The following LRMDA variants were observed in gnomAD, a reference collection of about 807,000 sequenced individuals.
LRMDA encodes leucine-rich melanocyte differentiation-associated protein.
LRMDA carries 18 observed loss-of-function variants against 29.8 expected under a neutral mutation model. That is an observed-to-expected ratio of 0.60 (90% CI 0.42 to 0.90). The LOEUF (loss-of-function observed/expected upper bound fraction) is 0.90, where lower values mean the gene tolerates loss of function less well. Ranked by LOEUF, LRMDA falls within the 40% of genes least tolerant of loss-of-function variation. The pLI is 0.00. For missense variants in LRMDA, 273 were observed against 273.9 expected, an observed-to-expected ratio of 1.00 and a Z score of 0.02; for synonymous variants, 125 against 109.4, an observed-to-expected ratio of 1.14 and a Z score of -0.89.
chr10:75,880,895 C>T (rs563112257), intron 2 of LRMDA, among the ~76,000 whole-genome samples: 55 of 152,304 alleles, frequency 3.6e-4, no homozygotes, highest in African/African-American at 1.3e-3. Flanking sequence ...CCATGCTGCA[C>T]AGTCGGGCAG....
At chr10:76,260,682 A>G (rs994377482) in intron 5 of LRMDA, 1 of 151,908 alleles carries the variant, frequency 6.6e-6, no homozygotes, top group Non-Finnish European at 1.5e-5. Flanking sequence ...GTTTGGGGTG[A>G]CTCTATTTGG....
At chr10:75,755,752 C>A (rs964649809) in intron 2 of LRMDA, among the ~76,000 whole-genome samples, 4 of 152,192 alleles carry the variant, frequency 2.6e-5, no homozygotes, top group African/African-American at 7.2e-5. Flanking sequence ...ATCGCGGCAG[C>A]GGCATCAAAA....
intron 5 of LRMDA, among the ~76,000 whole-genome samples, chr10:76,083,469 G>A (rs1354618522): frequency 6.6e-6 from 1 of 152,170 alleles, no homozygotes; most frequent in Non-Finnish European, 1.5e-5. Context: ...TGTTTTCAAT[G>A]GCAGTCATCC....
At chr10:76,543,672 G>A (rs1302694204) in intron 6 of LRMDA, among the ~76,000 whole-genome samples, 5 of 152,118 alleles carry the variant, frequency 3.3e-5, no homozygotes, top group Non-Finnish European at 7.4e-5. Flanking sequence ...CTGGAAGAAT[G>A]CAAGCTCTTA....
chr10:76,401,357 C>T (rs1841846677), intron 6 of LRMDA, among the ~76,000 whole-genome samples: 1 of 152,154 alleles, frequency 6.6e-6, no homozygotes, highest in African/African-American at 2.4e-5. Context: ...GCATACCTGG[C>T]ATTGTCCTAG....
At chr10:76,492,621 A>C (rs565704784) in intron 6 of LRMDA, among the ~76,000 whole-genome samples, 3 of 152,182 alleles carry the variant, frequency 2.0e-5, no homozygotes, top group Admixed American at 6.5e-5. Flanking sequence ...ATTCGTTTTC[A>C]TACTGCTATG....
chr10:76,405,908 T>C (rs1261616605), intron 6 of LRMDA, among the ~76,000 whole-genome samples: 2 of 152,224 alleles, frequency 1.3e-5, no homozygotes, highest in Non-Finnish European at 2.9e-5. Flanking sequence ...ATTGTCTGTA[T>C]TTGTGAGGGT....
intron 2 of LRMDA, among the ~76,000 whole-genome samples, chr10:75,981,138 C>T (rs1409822114): frequency 2.0e-5 from 3 of 152,136 alleles, no homozygotes; most frequent in African/African-American, 7.2e-5. Flanking sequence ...TTGAAATTTG[C>T]TGTGACTATT....
chr10:75,797,161 C>G (rs1002818270), intron 2 of LRMDA, among the ~76,000 whole-genome samples: 1 of 152,044 alleles, frequency 6.6e-6, no homozygotes, highest in Non-Finnish European at 1.5e-5. Flanking sequence ...TATAGGGTGA[C>G]TGAAATTTTC....
intron 5 of LRMDA, among the ~76,000 whole-genome samples, chr10:76,181,127 G>A (rs778396242): frequency 8.5e-5 from 13 of 152,284 alleles, no homozygotes; most frequent in South Asian, 6.2e-4. Context: ...GGAATAGGCT[G>A]TTCCCAAGTT....
chr10:76,428,557 G>A (rs2132280579), intron 6 of LRMDA, among the ~76,000 whole-genome samples: 1 of 152,248 alleles, frequency 6.6e-6, no homozygotes, highest in East Asian at 1.9e-4. Context: ...AAAACACAGA[G>A]ACTTGGCCTA....
rs1291930610 is a variant in LRMDA at position 75,702,568 on chromosome 10, T to A, written c.131+264074T>A. Among the ~76,000 whole-genome samples the A allele has an allele frequency of 3.3e-5, 5 of 152,200 alleles. No individual in the cohort carries two copies. The East Asian group carries it at 9.7e-4, about 29-fold the overall frequency. On this transcript the variant is annotated intron_variant, in intron 2 of 6. Transcript: ENST00000611255. ...ACCGAGGCCAACTGTGGAAGGATGGTGGTGTTCATGGGATAGATCATACAT... is the reference window on the plus strand; with the variant it reads ...ACCGAGGCCAACTGTGGAAGGATGGAGGTGTTCATGGGATAGATCATACAT...
chr10:76,121,523 G>T (rs1291965339), intron 5 of LRMDA, among the ~76,000 whole-genome samples: 12 of 152,186 alleles, frequency 7.9e-5, no homozygotes, highest in Admixed American at 5.2e-4. Context: ...TCTCCATTGG[G>T]ACTGAGTTCT....
At chr10:75,552,602 G>C (rs761549434) in intron 2 of LRMDA, 7 of 455,264 alleles carry the variant, frequency 1.5e-5, no homozygotes, top group Non-Finnish European at 3.2e-5. Context: ...TCTTTGAACT[G>C]TGGTTTGCTC....
At chr10:75,598,940 G>A (rs1199454925) in intron 2 of LRMDA, among the ~76,000 whole-genome samples, 1 of 152,138 alleles carries the variant, frequency 6.6e-6, no homozygotes, top group African/African-American at 2.4e-5. Flanking sequence ...GCTTTAATCA[G>A]TTGTATGATT....
In LRMDA at chr10:76,421,009, G is replaced by A. The variant is rs1257503361; in HGVS notation, c.601+96524G>A. ...CTCACGTGCAGTATTCTTCATTTGC[G>A]TGTGTGTATATACATGTGCGTATGA... On this transcript the variant is annotated intron_variant, in intron 6 of 6. Transcript: ENST00000611255. Among the ~76,000 whole-genome samples the A allele has an allele frequency of 6.6e-5, 10 of 152,060 alleles. No homozygotes were observed. The South Asian group carries it at 8.3e-4, about 13-fold the overall frequency.
chr10:76,014,852 G>A (rs544834299), intron 2 of LRMDA, among the ~76,000 whole-genome samples: 13 of 152,304 alleles, frequency 8.5e-5, no homozygotes, highest in Admixed American at 6.5e-4. Context: ...CATGGGAGGC[G>A]TGACCTAGAG....
chr10:76,112,724 G>A (rs1589332362), intron 5 of LRMDA, among the ~76,000 whole-genome samples: 1 of 152,338 alleles, frequency 6.6e-6, no homozygotes, highest in East Asian at 1.9e-4. Flanking sequence ...CAATCTTAAT[G>A]CCAGAACGCT....
chr10:75,530,654 CT>C (rs1293703002), intron 2 of LRMDA, among the ~76,000 whole-genome samples: 1 of 152,202 alleles, frequency 6.6e-6, no homozygotes, highest in Non-Finnish European at 1.5e-5. Context: ...GTGGGAATGG[CT>C]TTTCTCTGCA....
Sources: allele counts gnomAD v4.1 joint callset (sites outside exome capture counted in the v4.1 genomes callset), GRCh38; gene constraint gnomAD v4.1.1; transcripts MANE v1.5; gene names NCBI Gene and HGNC (gene_info 2026-07-23, HGNC 2026-07-21).